Variants in CACNB2 observed in about 807,000 individuals in gnomAD.
CACNB2 encodes the protein calcium voltage-gated channel auxiliary subunit beta 2, also known as voltage-dependent L-type calcium channel subunit beta-2.
A neutral mutation model predicts 73.3 loss-of-function variants in CACNB2; 42 were observed. The observed-to-expected ratio is 0.57, with a 90% CI of 0.45 to 0.74. The LOEUF is 0.74. CACNB2 is among the 30% of genes least tolerant of loss of function. CACNB2 has a pLI of 0.00. For synonymous variants in CACNB2, 348 were observed against 310.3 expected (o/e 1.12, Z -1.28); for missense variants, 940 against 853.0 (o/e 1.10, Z -1.27).
At chr10:18,334,488 G>A (rs920597312) in intron 2 of CACNB2, among the ~76,000 whole-genome samples, 6 of 152,130 alleles carry the variant, frequency 3.9e-5, no homozygotes, top group African/African-American at 1.4e-4. Flanking sequence ...TCACATTCTG[G>A]GATCTTAGGT....
intron 2 of CACNB2, among the ~76,000 whole-genome samples, chr10:18,301,939 G>A (rs75422267): frequency 0.019 from 2,815 of 152,090 alleles, 150 homozygotes; most frequent in East Asian, 0.099. Context: ...GAGCCACCGC[G>A]CCCAGCCGCC....
intron 3 of CACNB2, among the ~76,000 whole-genome samples, chr10:18,435,134 C>T (rs545848729): frequency 6.6e-6 from 1 of 152,260 alleles, no homozygotes; most frequent in East Asian, 1.9e-4. Context: ...TCTGGCTTCT[C>T]CTCTGCCTTC....
At chr10:18,474,161 G>A (rs913759292) in intron 3 of CACNB2, among the ~76,000 whole-genome samples, 2 of 152,182 alleles carry the variant, frequency 1.3e-5, no homozygotes, top group Non-Finnish European at 2.9e-5. Context: ...TCATGGTGGC[G>A]AAGGGGAACA....
chr10:18,302,043 C>A lies in CACNB2; in HGVS notation c.214-99881C>A, dbSNP rs149960215. On this transcript the variant is annotated intron_variant, in intron 2 of 13. Transcript: ENST00000324631. ...ATGCATTCTATAAAAGTAAACATAG[C>A]CTTAAGAAAGACTAGGAGGAAAAGT... 1.5e-4 allele frequency among the ~76,000 whole-genome samples: 23 copies of A among 151,942 alleles called. No individual in the cohort carries two copies. In the East Asian group the frequency reaches 2.7e-3, roughly 18 times the overall value.
In CACNB2 at chr10:18,536,294, G is replaced by T. The variant is rs899490076; in HGVS notation, c.1302+98G>T. 8.1e-5 allele frequency: 48 copies of T among 590,856 alleles called. No homozygotes were observed. In the African/African-American group the frequency reaches 1.2e-3, roughly 15 times the overall value. 36.6% of individuals were successfully genotyped at this position (590,856 alleles called of 1,614,324 possible). On this transcript the variant is annotated intron_variant, in intron 12 of 13. Coordinates refer to ENST00000324631, the MANE Select transcript of CACNB2 (RefSeq NM_201596.3). ...TTTTTGGGGGACAAGGTCTTGCTCT[G>T]TTGCCCATGTTGGGAGTGCAGTGGT...
chr10:18,363,780 T>C (rs1267630634), intron 2 of CACNB2, among the ~76,000 whole-genome samples: 1 of 152,092 alleles, frequency 6.6e-6, no homozygotes, highest in East Asian at 1.9e-4. Context: ...CAGTTCTTTT[T>C]TTTTTTTCTT....
Position 18,427,233 on chromosome 10 carries a change from A to G in CACNB2, c.333+25190A>G, listed in dbSNP as rs114412175. On this transcript the variant is annotated intron_variant, in intron 3 of 13. Transcript: ENST00000324631. Reference sequence around the variant, plus strand: ...CTTTTCTATATCTTTAAAGGTGGTCATATGATTTTTTTGTTGAATTTCTTA... The same window carrying G: ...CTTTTCTATATCTTTAAAGGTGGTCGTATGATTTTTTTGTTGAATTTCTTA... 9.2e-3 allele frequency among the ~76,000 whole-genome samples: 1,408 copies of G among 152,264 alleles called. 29 individuals are homozygous for G. Among genetic ancestry groups the G allele is most frequent in the African/African-American group, 0.031 (1,282 of 41,554 alleles).
intron 2 of CACNB2, among the ~76,000 whole-genome samples, chr10:18,208,714 G>T (rs1296078786): frequency 6.9e-6 from 1 of 145,280 alleles, no homozygotes; most frequent in East Asian, 1.9e-4. Flanking sequence ...TCAGACTGGA[G>T]CCCAGCCTGA....
At chr10:18,440,698 G>C (rs1246323848) in intron 3 of CACNB2, among the ~76,000 whole-genome samples, 2 of 152,134 alleles carry the variant, frequency 1.3e-5, no homozygotes, top group Non-Finnish European at 2.9e-5. Flanking sequence ...TGTGAATGGA[G>C]TGAGAATGTG....
chr10:18,526,877 C>T (rs1478607441), intron 9 of CACNB2, among the ~76,000 whole-genome samples: 1 of 152,152 alleles, frequency 6.6e-6, no homozygotes, highest in East Asian at 1.9e-4. Context: ...AATATAGGGT[C>T]AGGAGTCTGG....
At chr10:18,146,505 T>A (rs1232906736) in intron 1 of CACNB2, among the ~76,000 whole-genome samples, 1 of 151,582 alleles carries the variant, frequency 6.6e-6, no homozygotes, top group Non-Finnish European at 1.5e-5. Context: ...CGAGACAGAA[T>A]CTCGCTCTGT....
At chr10:18,423,365 A>T (rs1273539737) in intron 3 of CACNB2, among the ~76,000 whole-genome samples, 3 of 152,196 alleles carry the variant, frequency 2.0e-5, no homozygotes, top group Admixed American at 6.5e-5. Context: ...GCAGTAGGTT[A>T]CCAAGGCATG....
chr10:18,179,647 T>A (rs2033776741), intron 2 of CACNB2, among the ~76,000 whole-genome samples: 1 of 152,214 alleles, frequency 6.6e-6, no homozygotes, highest in African/African-American at 2.4e-5. Flanking sequence ...AGTGCTTAAT[T>A]TAGCACTGTG....
At chr10:18,355,217 C>T (rs2041860304) in intron 2 of CACNB2, among the ~76,000 whole-genome samples, 3 of 152,096 alleles carry the variant, frequency 2.0e-5, no homozygotes, top group South Asian at 2.1e-4. Flanking sequence ...CTAAGTGTTT[C>T]AGGGTGCTTA....
At chr10:18,205,114 T>C (rs2035036973) in intron 2 of CACNB2, among the ~76,000 whole-genome samples, 1 of 152,232 alleles carries the variant, frequency 6.6e-6, no homozygotes, top group South Asian at 2.1e-4. Flanking sequence ...ATCTGTATCA[T>C]TGAATAGAAA....
chr10:18,446,116 T>A (rs2046722126), intron 3 of CACNB2, among the ~76,000 whole-genome samples: 1 of 152,072 alleles, frequency 6.6e-6, no homozygotes, highest in Non-Finnish European at 1.5e-5. Flanking sequence ...AGGAAGACTT[T>A]CCATGATGAA....
intron 2 of CACNB2, among the ~76,000 whole-genome samples, chr10:18,338,738 CTTT>C (rs553402190): frequency 1.5e-3 from 155 of 102,424 alleles, no homozygotes; most frequent in African/African-American, 5.6e-3. Flanking sequence ...TCCTTCTTTC[CTTT>C]TTTTTTTTTT....
At chr10:18,287,237 G>A (rs528849474) in intron 2 of CACNB2, among the ~76,000 whole-genome samples, 13 of 152,070 alleles carry the variant, frequency 8.5e-5, no homozygotes, top group African/African-American at 2.9e-4. Context: ...GCTGAGGCAC[G>A]AGAATCACTT....
At chr10:18,521,076 G>A (rs552676321) in intron 9 of CACNB2, among the ~76,000 whole-genome samples, 5 of 152,192 alleles carry the variant, frequency 3.3e-5, no homozygotes, top group African/African-American at 1.2e-4. Flanking sequence ...TTGAATGAAC[G>A]TCTGCTGCAT....
Sources: allele counts gnomAD v4.1 joint callset (sites outside exome capture counted in the v4.1 genomes callset), GRCh38; gene constraint gnomAD v4.1.1; transcripts MANE v1.5; gene names NCBI Gene and HGNC (gene_info 2026-07-23, HGNC 2026-07-21).